Variants in GPHN observed in about 807,000 individuals in gnomAD.
GPHN encodes gephyrin.
GPHN carries 17 observed loss-of-function variants against 95.5 expected under a neutral mutation model. The observed-to-expected ratio is 0.18, with a 90% CI of 0.12 to 0.27. GPHN has a LOEUF of 0.27. Ranked by LOEUF, GPHN falls within the 10% of genes least tolerant of loss-of-function variation. The probability of loss-of-function intolerance (pLI) is 1.00; values close to 1 mark genes in which losing one functional copy is unlikely to be tolerated. For missense variants in GPHN, 660 were observed against 978.1 expected (o/e 0.67, Z 4.34); for synonymous variants, 320 against 322.5 (o/e 0.99, Z 0.08).
the GPHN span, chr14:67,387,269 A>G: frequency 1.9e-6 from 3 of 1,540,674 alleles, no homozygotes; most frequent in Non-Finnish European, 2.6e-6. Context: ...CCCATTCTCC[A>G]GGAACTCTTG....
the GPHN span, chr14:67,714,851 A>G: frequency 6.6e-6 from 1 of 152,244 alleles, no homozygotes; most frequent in African/African-American, 2.4e-5. Context: ...GGTGCTCAAG[A>G]TTGCAGAGGC....
chr14:67,497,611 A>C, the GPHN span, among the ~76,000 whole-genome samples: 1 of 152,172 alleles, frequency 6.6e-6, no homozygotes, highest in African/African-American at 2.4e-5. Context: ...TCAAGATCCT[A>C]ACTCCCTTTC....
chr14:66,713,507 C>A (rs1399029399), intron 2 of GPHN, among the ~76,000 whole-genome samples: 2 of 152,084 alleles, frequency 1.3e-5, no homozygotes, highest in African/African-American at 4.8e-5. Context: ...ATTTTTATAC[C>A]AGTACCATGC....
chr14:67,575,019 C>A, the GPHN span, among the ~76,000 whole-genome samples: 2 of 152,236 alleles, frequency 1.3e-5, no homozygotes, highest in African/African-American at 2.4e-5. Flanking sequence ...TCTGTTCCTT[C>A]ATGATGCATG....
At chr14:67,374,714 T>A in the GPHN span, 1 of 434,502 alleles carries the variant, frequency 2.3e-6, no homozygotes. Context: ...TAACTGTGGG[T>A]GACTTCAACT....
At chr14:67,362,032 CTTTTTT>C in the GPHN span, among the ~76,000 whole-genome samples, 8 of 91,450 alleles carry the variant, frequency 8.7e-5, no homozygotes, top group African/African-American at 3.8e-4. Context: ...TTTCTTTTTT[CTTTTTT>C]TTTTTGAGAC....
the GPHN span, among the ~76,000 whole-genome samples, chr14:67,452,779 T>TCTAG: frequency 6.6e-6 from 1 of 152,226 alleles, no homozygotes. Context: ...AGACAGCATC[T>TCTAG]ACCTCAGAGA....
intron 1 of GPHN, among the ~76,000 whole-genome samples, chr14:66,595,676 G>C (rs965695910): frequency 1.3e-5 from 2 of 152,176 alleles, no homozygotes. Flanking sequence ...GGGGTAGGCA[G>C]TGGTGCCTGG....
At position 66,922,727 on chromosome 14, in the gene GPHN, T is replaced by C. The variant is rs1185985395; in HGVS notation, c.518T>C (p.Ile173Thr). Reference protein sequence around the residue: ...PHAIDLLRDAIVKVKEVHDEL... With the variant: ...PHAIDLLRDATVKVKEVHDEL... ...GCCATTGACCTTTTACGTGATGCCA[T>C]TGTAAAAGTAAAGGAGGTGCATGAT... Residue 173 changes from isoleucine to threonine, a missense_variant, in exon 7 of 23, where the codon ATT becomes ACT. Around this residue, in one of 6 missense-constraint regions of GPHN, gnomAD observed 71 missense variants for 130.8 expected, o/e 0.54. Transcript: ENST00000478722. 1.2e-6 allele frequency: 2 copies of C among 1,612,848 alleles called. No individual in the cohort carries two copies. The highest frequency in any genetic ancestry group is 1.7e-5 in the Admixed American group (1 of 60,008).
the GPHN span, chr14:67,376,459 T>C: frequency 6.2e-6 from 10 of 1,610,772 alleles, no homozygotes; most frequent in African/African-American, 6.7e-5. Context: ...TTCTTCGTCA[T>C]GTTGCTGAGG....
intron 11 of GPHN, among the ~76,000 whole-genome samples, chr14:67,069,737 C>T (rs977221895): frequency 6.6e-6 from 1 of 152,184 alleles, no homozygotes; most frequent in Non-Finnish European, 1.5e-5. Context: ...CATCTGGATC[C>T]TGTATGCATT....
the GPHN span, among the ~76,000 whole-genome samples, chr14:67,714,111 C>T: frequency 2.6e-5 from 4 of 152,072 alleles, no homozygotes; most frequent in Admixed American, 2.0e-4. Flanking sequence ...ATTGTAATTT[C>T]CTATTTACTT....
At chr14:67,675,442 T>C in the GPHN span, among the ~76,000 whole-genome samples, 1 of 151,856 alleles carries the variant, frequency 6.6e-6, no homozygotes, top group Non-Finnish European at 1.5e-5. Context: ...TGGGAGACCT[T>C]GCTCCCAAGT....
At chr14:66,905,746 G>T (rs1567084782) in intron 5 of GPHN, among the ~76,000 whole-genome samples, 1 of 152,070 alleles carries the variant, frequency 6.6e-6, no homozygotes, top group Non-Finnish European at 1.5e-5. Flanking sequence ...TACCTTGGTA[G>T]TCCCCAGTGT....
At chr14:67,647,093 G>A in the GPHN span, 6 of 1,001,900 alleles carry the variant, frequency 6.0e-6, no homozygotes, top group Non-Finnish European at 9.3e-6. Flanking sequence ...TGTTTCTTGA[G>A]GACAGCAGCT....
chr14:67,624,602 T>A, the GPHN span, among the ~76,000 whole-genome samples: 2 of 152,116 alleles, frequency 1.3e-5, no homozygotes, highest in African/African-American at 4.8e-5. Flanking sequence ...AACTCTATCA[T>A]GAGACAGCAC....
chr14:67,127,253 TA>T (rs147026463), intron 17 of GPHN, among the ~76,000 whole-genome samples: 25,232 of 144,632 alleles, frequency 0.17, 4,191 homozygotes, highest in African/African-American at 0.41. Context: ...TAAAGTATAA[TA>T]AAAAAAAAAA....
chr14:67,152,574 A>C (rs546492006), intron 18 of GPHN, among the ~76,000 whole-genome samples: 58 of 152,348 alleles, frequency 3.8e-4, no homozygotes, highest in African/African-American at 1.2e-3. Flanking sequence ...AGAATGCTGA[A>C]ATAATTTGCT....
intron 3 of GPHN, among the ~76,000 whole-genome samples, chr14:66,780,536 TTG>T (rs1459395384): frequency 2.0e-5 from 3 of 151,896 alleles, no homozygotes; most frequent in Non-Finnish European, 4.4e-5. Flanking sequence ...TTTTTTTTCA[TTG>T]TGTGTGCTTT....
Sources: allele counts gnomAD v4.1 joint callset (sites outside exome capture counted in the v4.1 genomes callset), GRCh38; gene constraint gnomAD v4.1.1; regional missense constraint gnomAD v4.1.1; transcripts MANE v1.5; gene names NCBI Gene and HGNC (gene_info 2026-07-23, HGNC 2026-07-21).